The following DST variants were observed in gnomAD, a reference collection of about 807,000 sequenced individuals.
DST encodes bullous pemphigoid antigen.
In DST, 253 loss-of-function variants were observed where a neutral mutation model predicts 875.2. That is an observed-to-expected ratio of 0.29 (90% CI 0.26 to 0.32). The LOEUF (loss-of-function observed/expected upper bound fraction) is 0.32. Among genes scored for constraint, DST ranks in the 10% least tolerant of loss-of-function variants. The probability of loss-of-function intolerance (pLI) is 1.00; values close to 1 mark genes in which losing one functional copy is unlikely to be tolerated. For synonymous variants in DST, 3,124 were observed against 3,197.1 expected (o/e 0.98, Z 0.77); for missense variants, 8,287 against 9,111.6 (o/e 0.91, Z 3.68).
At chr6:56,742,704 T>C (rs1358963338) in intron 4 of DST, among the ~76,000 whole-genome samples, 1 of 152,158 alleles carries the variant, frequency 6.6e-6, no homozygotes, top group East Asian at 1.9e-4. Context: ...TCACATTCTC[T>C]CTTCTAACAC....
At chr6:56,893,573 T>A (rs1170658562) in intron 3 of DST, among the ~76,000 whole-genome samples, 11 of 70,986 alleles carry the variant, frequency 1.5e-4, no homozygotes, top group East Asian at 9.1e-4. Context: ...TTTTTTTTTT[T>A]TTTTTTTTTT....
At chr6:56,652,039 CATAA>C (rs2098978824) in intron 10 of DST, among the ~76,000 whole-genome samples, 1 of 152,160 alleles carries the variant, frequency 6.6e-6, no homozygotes, top group Non-Finnish European at 1.5e-5. Context: ...TAATCTGAAT[CATAA>C]ATGAATGTCT....
intron 5 of DST, among the ~76,000 whole-genome samples, chr6:56,712,131 C>G (rs963232240): frequency 1.3e-5 from 2 of 150,682 alleles, no homozygotes; most frequent in African/African-American, 4.9e-5. Context: ...TTAGATAAGA[C>G]TAAGGATGCT....
intron 83 of DST, among the ~76,000 whole-genome samples, chr6:56,493,707 T>C (rs1018938423): frequency 2.6e-5 from 4 of 152,134 alleles, no homozygotes; most frequent in Non-Finnish European, 4.4e-5. Context: ...TAGATTAAAA[T>C]AGAATTAATT....
At chr6:56,845,726 A>C (rs1038034247) in intron 4 of DST, among the ~76,000 whole-genome samples, 1 of 152,244 alleles carries the variant, frequency 6.6e-6, no homozygotes, top group Non-Finnish European at 1.5e-5. Flanking sequence ...GAGTAAGGTC[A>C]TTGAAGGCAC....
intron 3 of DST, among the ~76,000 whole-genome samples, chr6:56,892,032 T>C (rs114436621): frequency 0.012 from 1,842 of 152,308 alleles, 34 homozygotes; most frequent in East Asian, 0.04. Flanking sequence ...ACCTCACTGC[T>C]AGGCTGCCAC....
chr6:56,578,950 ACG>A lies in DST; in HGVS notation c.12904-15_12904-14del. 6.4e-7 allele frequency: 1 copy of A among 1,573,082 alleles called. No homozygotes were observed. The highest frequency in any genetic ancestry group is 8.6e-7 in the Non-Finnish European group (1 of 1,157,568). ...GTCCTTGCAAAGCCTGTAGGATTAAACGCTTTTCAATTATACTCAGCAGGACT... is the reference window on the plus strand; with the variant it reads ...GTCCTTGCAAAGCCTGTAGGATTAAACTTTTCAATTATACTCAGCAGGACT... On this transcript the variant is annotated splice_polypyrimidine_tract_variant and intron_variant, in intron 49 of 103. Coordinates refer to ENST00000680361, the MANE Select transcript of DST (RefSeq NM_001374736.1).
intron 36 of DST, chr6:56,618,953 T>C: frequency 6.2e-7 from 1 of 1,614,228 alleles, no homozygotes; most frequent in Non-Finnish European, 8.5e-7. Context: ...GCGTCGCTTC[T>C]CTTCTTTGGA....
intron 85 of DST, among the ~76,000 whole-genome samples, chr6:56,490,775 G>A (rs997661606): frequency 6.6e-6 from 1 of 152,116 alleles, no homozygotes; most frequent in African/African-American, 2.4e-5. Flanking sequence ...TATAACAGTT[G>A]GATGGTAAGG....
At chr6:56,566,749 C>T (rs2097686207) in intron 55 of DST, among the ~76,000 whole-genome samples, 1 of 152,156 alleles carries the variant, frequency 6.6e-6, no homozygotes, top group African/African-American at 2.4e-5. Flanking sequence ...ACAATGCATA[C>T]ATGACTGACA....
chr6:56,511,067 G>A, intron 73 of DST, 130 bp downstream of exon 73: 1 of 762,868 alleles, frequency 1.3e-6, no homozygotes. Flanking sequence ...GAGGGACACA[G>A]ACATCAATAC....
At chr6:56,501,786 A>T (rs1562401989) in intron 78 of DST, 93 bp from the exon 79 acceptor site, 2 of 928,398 alleles carry the variant, frequency 2.2e-6, no homozygotes, top group Admixed American at 3.2e-5. Flanking sequence ...TCTAATTCAC[A>T]CTACTTACTG....
At chr6:56,740,228 C>T (rs1367837315) in intron 4 of DST, among the ~76,000 whole-genome samples, 1 of 152,152 alleles carries the variant, frequency 6.6e-6, no homozygotes, top group African/African-American at 2.4e-5. Flanking sequence ...TTCTCTCTGG[C>T]AAGAGATCCA....
Position 56,458,901 on chromosome 6 carries a change from A to AT in DST, c.*103_*104insA, listed in dbSNP as rs2094183898. The AT allele has an allele frequency of 2.4e-6, 3 of 1,268,614 alleles. No homozygotes were observed. Among genetic ancestry groups the AT allele is most frequent in the Non-Finnish European group, 3.2e-6 (3 of 944,038 alleles). 78.6% of individuals were successfully genotyped at this position (1,268,614 alleles called of 1,614,324 possible). ...AATAAGGCCATCTGCAGAATTTTAA[A>AT]CTCGCCTCTTGCAATATTTCACAAG... On this transcript the variant is annotated 3_prime_UTR_variant, in exon 104 of 104. Coordinates refer to ENST00000680361, the MANE Select transcript of DST (RefSeq NM_001374736.1).
intron 82 of DST, among the ~76,000 whole-genome samples, chr6:56,495,076 T>G (rs1268569146): frequency 2.0e-5 from 3 of 151,456 alleles, no homozygotes; most frequent in African/African-American, 7.3e-5. Flanking sequence ...CTCCAGAACA[T>G]TTTCATCACC....
chr6:56,723,099 G>A (rs1317297676), intron 5 of DST, among the ~76,000 whole-genome samples: 1 of 152,212 alleles, frequency 6.6e-6, no homozygotes, highest in East Asian at 1.9e-4. Context: ...GTTTCTTCAG[G>A]TATTCAAGAG....
rs369635354 is a variant in DST, at chr6:56,535,229, G to A, written c.16834C>T (p.Leu5612=). 6.2e-7 allele frequency: 1 copy of A among 1,613,094 alleles called. No individual in the cohort carries two copies. The highest frequency in any genetic ancestry group is 8.5e-7 in the Non-Finnish European group (1 of 1,179,556). ...LLHCGRFQDA[L]ESLLSWMVDT... The stretch of plus-strand genomic sequence containing the variant: ...ACCATCCAGCTGAGCAGGGACTCCA[G>A]GGCATCCTGGAACCTCCCACAGTGC... Residue 5612 remains leucine (L), a synonymous_variant, in exon 63 of 104, where the codon CTG becomes TTG. Transcript: ENST00000680361.
chr6:56,755,008 AT>A (rs943505379), intron 4 of DST, among the ~76,000 whole-genome samples: 11 of 152,156 alleles, frequency 7.2e-5, no homozygotes, highest in East Asian at 5.8e-4. Flanking sequence ...AGTAATGTCT[AT>A]TTTTTTCAGC....
chr6:56,568,532 A>C lies in DST; in HGVS notation c.13942T>G (p.Ser4648Ala). The change falls in exon 55 of 104, where the codon TCA becomes GCA. Residue 4648 changes from serine to alanine, a missense_variant. Physicochemically the swap from Ser to Ala is moderately conservative, Grantham distance 99 (BLOSUM62 1). Coordinates refer to ENST00000680361, the MANE Select transcript of DST (RefSeq NM_001374736.1). ...ACAGCACTTATTAAGTTACATAGTG[A>C]GATCCCACTGTTGTTTACTTTCTGA... is the stretch of plus-strand genomic sequence containing the variant. ...EIQKVNNSGI[S>A]LCNLISAVTT... The C allele has an allele frequency of 5.0e-6, 8 of 1,612,824 alleles. No homozygotes were observed. Among genetic ancestry groups the C allele is most frequent in the Non-Finnish European group, 6.8e-6 (8 of 1,179,298 alleles).
Sources: gnomAD v4.1 joint callset for allele counts (sites outside exome capture counted in the v4.1 genomes callset) on GRCh38, gnomAD v4.1.1 for gene constraint, MANE v1.5 for transcripts, NCBI Gene and HGNC (gene_info 2026-07-23, HGNC 2026-07-21) for gene names.